Variants in EYS observed in about 807,000 individuals in gnomAD.
EYS encodes EGF-like photoreceptor maintenance factor.
EYS carries 250 observed loss-of-function variants against 282.1 expected under a neutral mutation model. The observed-to-expected ratio is 0.89, with a 90% CI of 0.80 to 0.98. The LOEUF (loss-of-function observed/expected upper bound fraction) is 0.98. Ranked by LOEUF, EYS falls within the 50% of genes least tolerant of loss-of-function variation. EYS has a pLI of 0.00. For synonymous variants in EYS, 1,355 were observed against 1,282.9 expected, an observed-to-expected ratio of 1.06 and a Z score of -1.20; for missense variants, 4,016 against 3,709.0, an observed-to-expected ratio of 1.08 and a Z score of -2.15.
At chr6:64,900,996 G>T (rs11759007) in intron 18 of EYS, among the ~76,000 whole-genome samples, 4,718 of 151,748 alleles carry the variant, frequency 0.031, 136 homozygotes, top group East Asian at 0.13. Context: ...CAACCAAAAT[G>T]CCCATCAATG....
chr6:64,282,673 AT>A (rs1046349174), intron 30 of EYS, among the ~76,000 whole-genome samples: 1 of 152,114 alleles, frequency 6.6e-6, no homozygotes, highest in Admixed American at 6.6e-5. Context: ...CACCAGTCCC[AT>A]TTTAGGGCAA....
At chr6:65,680,154 T>G (rs536067488) in intron 1 of EYS, among the ~76,000 whole-genome samples, 41 of 151,320 alleles carry the variant, frequency 2.7e-4, no homozygotes, top group African/African-American at 9.0e-4. Flanking sequence ...TACATTGAAG[T>G]TAAATTCATT....
At chr6:65,702,551 G>T (rs1336444008) in intron 1 of EYS, among the ~76,000 whole-genome samples, 1 of 152,130 alleles carries the variant, frequency 6.6e-6, no homozygotes, top group East Asian at 1.9e-4. Context: ...AATTAGCCAG[G>T]CGTGGTAGCA....
At chr6:64,550,532 A>C (rs1404426571) in intron 26 of EYS, among the ~76,000 whole-genome samples, 1 of 152,196 alleles carries the variant, frequency 6.6e-6, no homozygotes, top group Non-Finnish European at 1.5e-5. Context: ...AACTGGAAGC[A>C]TTCCCTTTCA....
chr6:64,618,068 C>G (rs189981663), intron 23 of EYS, among the ~76,000 whole-genome samples: 1 of 152,056 alleles, frequency 6.6e-6, no homozygotes, highest in Non-Finnish European at 1.5e-5. Flanking sequence ...ATTGTGTCTA[C>G]GTACATTTGG....
chr6:64,311,007 G>A (rs750169123), intron 29 of EYS, among the ~76,000 whole-genome samples: 1 of 151,926 alleles, frequency 6.6e-6, no homozygotes. Flanking sequence ...ATAGTTGATA[G>A]TAGATACTGT....
intron 1 of EYS, among the ~76,000 whole-genome samples, chr6:65,663,050 AT>A (rs200477357): frequency 0.014 from 2,071 of 152,284 alleles, 15 homozygotes; most frequent in African/African-American, 0.018. Flanking sequence ...CTTTGAAACT[AT>A]TTTTGACAGC....
chr6:65,303,410 C>T, intron 11 of EYS: 1 of 1,612,886 alleles, frequency 6.2e-7, no homozygotes, highest in Non-Finnish European at 8.5e-7. Flanking sequence ...TGACAGTGAT[C>T]CTCCATTAAA....
At chr6:64,536,578 C>T (rs1017925232) in intron 26 of EYS, among the ~76,000 whole-genome samples, 2 of 152,022 alleles carry the variant, frequency 1.3e-5, no homozygotes, top group African/African-American at 2.4e-5. Context: ...AAAGTCTACC[C>T]TTTTTCCAAA....
chr6:65,247,938 G>A (rs1456746119), intron 12 of EYS, among the ~76,000 whole-genome samples: 1 of 151,574 alleles, frequency 6.6e-6, no homozygotes, highest in Non-Finnish European at 1.5e-5. Flanking sequence ...TGCTTATTTT[G>A]GAAAAAAATG....
At chr6:64,304,086 T>C (rs1198630949) in intron 30 of EYS, among the ~76,000 whole-genome samples, 1 of 152,132 alleles carries the variant, frequency 6.6e-6, no homozygotes, top group East Asian at 1.9e-4. Context: ...CTGGAGACTT[T>C]TGTCATTTAA....
intron 24 of EYS, among the ~76,000 whole-genome samples, chr6:64,600,359 A>AACTTG (rs1766726902): frequency 6.6e-6 from 1 of 152,132 alleles, no homozygotes; most frequent in Non-Finnish European, 1.5e-5. Flanking sequence ...ATTGGGAGAC[A>AACTTG]AAAGGCAAAG....
chr6:64,436,424 C>T (rs967761308), intron 27 of EYS, among the ~76,000 whole-genome samples, 159 bp from the exon 28 acceptor site: 1 of 151,772 alleles, frequency 6.6e-6, no homozygotes, highest in Non-Finnish European at 1.5e-5. Context: ...AGGTTTACAA[C>T]TGATATGTCC....
chr6:64,025,596 C>A (rs1769457800), intron 33 of EYS, among the ~76,000 whole-genome samples: 1 of 152,206 alleles, frequency 6.6e-6, no homozygotes, highest in Non-Finnish European at 1.5e-5. Flanking sequence ...TCTTTAGGCA[C>A]CTGGGCTCAC....
intron 19 of EYS, among the ~76,000 whole-genome samples, chr6:64,827,257 GT>G (rs922608298): frequency 2.0e-5 from 3 of 151,682 alleles, no homozygotes; most frequent in African/African-American, 7.3e-5. Flanking sequence ...TTTGCAGCCT[GT>G]TTTTTTATTT....
intron 32 of EYS, among the ~76,000 whole-genome samples, chr6:64,071,600 A>G (rs530519755): frequency 8.2e-4 from 123 of 149,698 alleles, no homozygotes; most frequent in Non-Finnish European, 1.3e-3. Context: ...TTAAAGAATA[A>G]TTTTTAAAAG....
chr6:64,148,043 G>T (rs1391244947), intron 31 of EYS, among the ~76,000 whole-genome samples: 1 of 151,992 alleles, frequency 6.6e-6, no homozygotes, highest in Non-Finnish European at 1.5e-5. Context: ...CTCCTTTTAG[G>T]TTTAAAATGT....
intron 15 of EYS, among the ~76,000 whole-genome samples, chr6:64,930,592 TCA>T (rs1228555311): frequency 6.6e-6 from 1 of 152,130 alleles, no homozygotes; most frequent in Non-Finnish European, 1.5e-5. Flanking sequence ...TCAGACTTTT[TCA>T]GTTATTATAT....
chr6:64,107,941 G>C (rs971167582), intron 31 of EYS, among the ~76,000 whole-genome samples: 1 of 151,980 alleles, frequency 6.6e-6, no homozygotes, highest in Non-Finnish European at 1.5e-5. Context: ...AGTTGGAGTG[G>C]GCAGGAGCTG....
Sources: allele counts gnomAD v4.1 joint callset (sites outside exome capture counted in the v4.1 genomes callset), GRCh38; gene constraint gnomAD v4.1.1; transcripts MANE v1.5; gene names NCBI Gene and HGNC (gene_info 2026-07-23, HGNC 2026-07-21).